FNDC1: variants seen among roughly 807,000 people sequenced by gnomAD.
FNDC1 encodes the protein fibronectin type III domain containing 1.
In FNDC1, 96 loss-of-function variants were observed where a neutral mutation model predicts 168.0. The ratio of observed to expected loss-of-function variants is 0.57; its 90% CI spans 0.48 to 0.68. The LOEUF (loss-of-function observed/expected upper bound fraction) is 0.68. Among genes scored for constraint, FNDC1 ranks in the 30% least tolerant of loss-of-function variants. FNDC1 has a pLI of 0.00. For synonymous variants in FNDC1, 1,099 were observed against 1,025.9 expected (o/e 1.07, Z -1.36); for missense variants, 2,587 against 2,482.1 (o/e 1.04, Z -0.90).
chr6:159,177,041 C>A (rs144769167), intron 1 of FNDC1, among the ~76,000 whole-genome samples: 2 of 152,044 alleles, frequency 1.3e-5, no homozygotes, highest in African/African-American at 4.8e-5. Flanking sequence ...TACATGTGGG[C>A]AGTCTGGTAG....
At chr6:159,215,513 G>A (rs1782692517) in intron 5 of FNDC1, among the ~76,000 whole-genome samples, 1 of 152,212 alleles carries the variant, frequency 6.6e-6, no homozygotes, top group Non-Finnish European at 1.5e-5. Flanking sequence ...AGGACACTGG[G>A]CCTTGGGTCC....
At chr6:159,216,076 C>T (rs1392801733) in intron 5 of FNDC1, among the ~76,000 whole-genome samples, 1 of 152,186 alleles carries the variant, frequency 6.6e-6, no homozygotes, top group African/African-American at 2.4e-5. Flanking sequence ...ATTCTCCTGC[C>T]TCAGCCTCCC....
chr6:159,231,863 T>A lies in FNDC1; in HGVS notation c.1370-19T>A. ...TTGAGTTTCTTCTTTGACAGGCAATTCTTTAAAATCTGTTGCAGCCAGTAA... is the reference window on the plus strand; with the variant it reads ...TTGAGTTTCTTCTTTGACAGGCAATACTTTAAAATCTGTTGCAGCCAGTAA... On this transcript the variant is annotated intron_variant, in intron 10 of 22. Transcript: ENST00000297267. 2 of 1,563,418 alleles carry A rather than the reference T, an allele frequency of 1.3e-6. No individual in the cohort carries two copies. Among genetic ancestry groups the A allele is most frequent in the Non-Finnish European group, 1.7e-6 (2 of 1,159,898 alleles).
At chr6:159,193,148 T>A (rs953342919) in intron 1 of FNDC1, among the ~76,000 whole-genome samples, 1 of 150,726 alleles carries the variant, frequency 6.6e-6, no homozygotes, top group Non-Finnish European at 1.5e-5. Flanking sequence ...CTACATAGTG[T>A]TTTTTTTTAA....
intron 12 of FNDC1, among the ~76,000 whole-genome samples, chr6:159,236,929 GT>G (rs1278845467): frequency 6.6e-6 from 1 of 152,170 alleles, no homozygotes; most frequent in East Asian, 1.9e-4. Flanking sequence ...TGGGTTGAGG[GT>G]AACAGAACAC....
intron 22 of FNDC1, among the ~76,000 whole-genome samples, chr6:159,268,277 A>G (rs1018936718): frequency 1.3e-5 from 2 of 152,192 alleles, no homozygotes; most frequent in African/African-American, 4.8e-5. Flanking sequence ...AAAGGTTAAC[A>G]ATTAATGTTA....
intron 4 of FNDC1, among the ~76,000 whole-genome samples, chr6:159,200,806 G>C (rs1446804358): frequency 6.6e-6 from 1 of 152,242 alleles, no homozygotes; most frequent in Non-Finnish European, 1.5e-5. Context: ...CTCGCGTGGG[G>C]AAGTGTCTGC....
intron 1 of FNDC1, among the ~76,000 whole-genome samples, chr6:159,178,549 T>C (rs1781815015): frequency 6.6e-6 from 1 of 152,090 alleles, no homozygotes; most frequent in South Asian, 2.1e-4. Context: ...CTACCTAATG[T>C]AGCCATATTT....
At chr6:159,243,112 T>C (rs1783463083) in intron 14 of FNDC1, 1 of 152,214 alleles carries the variant, frequency 6.6e-6, no homozygotes, top group South Asian at 2.1e-4. Context: ...TATGTACCTT[T>C]GGATATCCAA....
At chr6:159,210,225 T>C (rs531110189) in intron 4 of FNDC1, among the ~76,000 whole-genome samples, 4 of 152,342 alleles carry the variant, frequency 2.6e-5, no homozygotes, top group African/African-American at 9.6e-5. Context: ...GTGCCACACA[T>C]GGCTACTGGT....
At chr6:159,259,858 A>G (rs1001355024) in intron 18 of FNDC1, among the ~76,000 whole-genome samples, 37 of 152,338 alleles carry the variant, frequency 2.4e-4, no homozygotes, top group African/African-American at 8.4e-4. Flanking sequence ...ATTTTACCCA[A>G]TGGCTTTTCT....
At chr6:159,235,910 A>G (rs1783243033) in intron 11 of FNDC1, among the ~76,000 whole-genome samples, 1 of 152,240 alleles carries the variant, frequency 6.6e-6, no homozygotes, top group Admixed American at 6.5e-5. Flanking sequence ...TGGCTAAAAT[A>G]AAGCTACAGC....
intron 14 of FNDC1, among the ~76,000 whole-genome samples, chr6:159,240,537 T>C (rs1022885498): frequency 2.6e-5 from 4 of 152,224 alleles, no homozygotes. Flanking sequence ...CTTTGGAGAA[T>C]GCCAATCCTC....
chr6:159,180,628 C>G (rs1403015869), intron 1 of FNDC1, among the ~76,000 whole-genome samples: 1 of 152,076 alleles, frequency 6.6e-6, no homozygotes, highest in Non-Finnish European at 1.5e-5. Flanking sequence ...TGCTCTGCCC[C>G]AACCCCCTGT....
chr6:159,212,682 T>C (rs1220144520), intron 4 of FNDC1, among the ~76,000 whole-genome samples: 1 of 152,178 alleles, frequency 6.6e-6, no homozygotes, highest in Non-Finnish European at 1.5e-5. Context: ...TGGTATTTGG[T>C]GACAGTCCTT....
intron 1 of FNDC1, among the ~76,000 whole-genome samples, chr6:159,170,387 C>CCAGGAT (rs1781628399): frequency 6.6e-6 from 1 of 152,204 alleles, no homozygotes; most frequent in Non-Finnish European, 1.5e-5. Flanking sequence ...GAGGCTGCAG[C>CCAGGAT]CAGGATGGAT....
intron 17 of FNDC1, among the ~76,000 whole-genome samples, chr6:159,253,790 CG>C (rs1451258030): frequency 6.6e-6 from 1 of 152,184 alleles, no homozygotes; most frequent in East Asian, 1.9e-4. Flanking sequence ...CAGGATCAGC[CG>C]AGAAACCAGT....
intron 1 of FNDC1, among the ~76,000 whole-genome samples, chr6:159,181,785 G>A (rs973264988): frequency 3.3e-5 from 5 of 152,068 alleles, no homozygotes; most frequent in African/African-American, 9.7e-5. Flanking sequence ...TTTCTGTCTA[G>A]ATTGTATTTT....
chr6:159,269,599 CTATCT>C lies in FNDC1; in HGVS notation c.5569+1674_5569+1678del, dbSNP rs1777698792. ...CCTATCTGTCTGTCTGTCTGTCTGTCTATCTATCTATCTATCTATCTATCTATCTA... is the reference window on the plus strand; with the variant it reads ...CCTATCTGTCTGTCTGTCTGTCTGTCATCTATCTATCTATCTATCTATCTA... On this transcript the variant is annotated intron_variant, in intron 22 of 22. Coordinates refer to ENST00000297267, the MANE Select transcript of FNDC1 (RefSeq NM_032532.3). Among the ~76,000 whole-genome samples the C allele has an allele frequency of 1.3e-3, 11 of 8,654 alleles. No homozygotes were observed. In the Admixed American group the frequency reaches 0.014, roughly 11 times the overall value. 5.7% of individuals were successfully genotyped at this position (8,654 alleles called of 152,430 possible). A position where few individuals can be genotyped will look rare whatever the true frequency, so the allele number is the denominator to read the frequency against.
Sources: gnomAD v4.1 joint callset for allele counts (sites outside exome capture counted in the v4.1 genomes callset) on GRCh38, gnomAD v4.1.1 for gene constraint, MANE v1.5 for transcripts, NCBI Gene and HGNC (gene_info 2026-07-23, HGNC 2026-07-21) for gene names.